The following NKAIN3 variants were observed in gnomAD, a reference collection of about 807,000 sequenced individuals.
NKAIN3 encodes sodium/potassium-transporting ATPase subunit beta-1-interacting protein 3.
In NKAIN3, 25 loss-of-function variants were observed where a neutral mutation model predicts 30.2. The ratio of observed to expected loss-of-function variants is 0.83; its 90% confidence interval spans 0.60 to 1.16. NKAIN3 has a LOEUF of 1.16. Ranked by LOEUF, NKAIN3 falls within the 50% of genes most tolerant of loss-of-function variation. The pLI, the probability that NKAIN3 is intolerant of heterozygous loss-of-function variation, is 0.00. For synonymous variants in NKAIN3, 91 were observed against 89.6 expected, an observed-to-expected ratio of 1.02 and a Z score of -0.09; for missense variants, 225 against 254.1, an observed-to-expected ratio of 0.89 and a Z score of 0.78.
intron 4 of NKAIN3, among the ~76,000 whole-genome samples, chr8:62,751,814 C>CTGTGTGTGTGTGTGTGTGTGTGTG (rs3032932): frequency 2.0e-4 from 30 of 146,684 alleles, no homozygotes; most frequent in African/African-American, 6.5e-4. Context: ...TACTAAAAAA[C>CTGTGTGTGTGTGTGTGTGTGTGTG]TGTGTGTGTG....
chr8:62,366,078 C>T (rs940328256), intron 1 of NKAIN3, among the ~76,000 whole-genome samples: 5 of 152,164 alleles, frequency 3.3e-5, no homozygotes, highest in Non-Finnish European at 7.3e-5. Context: ...AATCTCCTTA[C>T]TCACTATTGG....
chr8:62,382,179 A>G (rs1409081086), intron 1 of NKAIN3, among the ~76,000 whole-genome samples: 1 of 152,208 alleles, frequency 6.6e-6, no homozygotes, highest in African/African-American at 2.4e-5. Flanking sequence ...TCAATTAACA[A>G]ATTTACATGT....
chr8:62,283,555 A>G (rs1813272780), intron 1 of NKAIN3, among the ~76,000 whole-genome samples: 1 of 152,142 alleles, frequency 6.6e-6, no homozygotes, highest in Non-Finnish European at 1.5e-5. Context: ...ATATGTCATT[A>G]TATTTTCTAA....
At chr8:62,923,084 C>T (rs1477869981) in intron 5 of NKAIN3, among the ~76,000 whole-genome samples, 2 of 152,094 alleles carry the variant, frequency 1.3e-5, no homozygotes, top group Non-Finnish European at 2.9e-5. Context: ...ATCACTTGAG[C>T]TCAGCAATTC....
intron 4 of NKAIN3, among the ~76,000 whole-genome samples, chr8:62,874,152 C>T (rs2130805289): frequency 6.6e-6 from 1 of 152,100 alleles, no homozygotes; most frequent in East Asian, 1.9e-4. Flanking sequence ...AAAGAGATTT[C>T]ACCACTGACC....
chr8:62,552,701 G>T (rs1809253739), intron 1 of NKAIN3, among the ~76,000 whole-genome samples: 1 of 152,134 alleles, frequency 6.6e-6, no homozygotes, highest in African/African-American at 2.4e-5. Context: ...TTTCACAAAA[G>T]AACTGCTGGA....
Position 62,318,807 on chromosome 8 carries a change from G to A in NKAIN3, c.54+69680G>A, listed in dbSNP as rs564243817. On this transcript the variant is annotated intron_variant, in intron 1 of 6. Transcript: ENST00000623646. ...GTCTAAAATTCTCTTTTTTTGTTGT[G>A]TCTCTGCCAGGCTTTGGTATCAGGA... 2.1e-4 allele frequency among the ~76,000 whole-genome samples: 32 copies of A among 152,158 alleles called. 1 individual carries two copies. Among genetic ancestry groups the A allele is most frequent in the African/African-American group, 7.5e-4 (31 of 41,512 alleles).
chr8:62,583,788 T>C (rs1220026547), intron 2 of NKAIN3, among the ~76,000 whole-genome samples: 1 of 152,182 alleles, frequency 6.6e-6, no homozygotes, highest in Non-Finnish European at 1.5e-5. Context: ...AGTCAGATAT[T>C]GTTACCTTTA....
At chr8:62,738,570 C>T (rs1420037711) in intron 3 of NKAIN3, among the ~76,000 whole-genome samples, 1 of 147,850 alleles carries the variant, frequency 6.8e-6, no homozygotes, top group Non-Finnish European at 1.5e-5. Flanking sequence ...CTGCACTCCA[C>T]CCTGGGTGAC....
chr8:62,462,477 CT>C (rs1563409655), intron 1 of NKAIN3, among the ~76,000 whole-genome samples: 1 of 152,120 alleles, frequency 6.6e-6, no homozygotes, highest in African/African-American at 2.4e-5. Context: ...AATTTAAATG[CT>C]TAAATCTTAA....
chr8:62,532,303 A>G (rs542946938), intron 1 of NKAIN3, among the ~76,000 whole-genome samples: 2 of 152,234 alleles, frequency 1.3e-5, no homozygotes, highest in Non-Finnish European at 2.9e-5. Context: ...AAAGCCACTC[A>G]TCTATGCCAG....
chr8:62,767,136 G>T (rs545232918), intron 4 of NKAIN3, among the ~76,000 whole-genome samples: 2 of 151,974 alleles, frequency 1.3e-5, no homozygotes, highest in South Asian at 2.1e-4. Flanking sequence ...CTTTCCCTCC[G>T]CATGGTGAAG....
chr8:62,302,045 A>G (rs577786385), intron 1 of NKAIN3, among the ~76,000 whole-genome samples: 1 of 152,170 alleles, frequency 6.6e-6, no homozygotes, highest in Admixed American at 6.6e-5. Context: ...GAGTGTTCTC[A>G]CTTCCCTAAT....
intron 3 of NKAIN3, among the ~76,000 whole-genome samples, chr8:62,720,701 G>T (rs1815061998): frequency 6.6e-6 from 1 of 152,176 alleles, no homozygotes; most frequent in Non-Finnish European, 1.5e-5. Flanking sequence ...AAGCCATCAA[G>T]TTATATGGCC....
chr8:62,615,205 G>C (rs1480762615), intron 3 of NKAIN3, among the ~76,000 whole-genome samples: 1 of 152,094 alleles, frequency 6.6e-6, no homozygotes, highest in Non-Finnish European at 1.5e-5. Context: ...CAGCTCTTCA[G>C]TTAGCAGGTG....
intron 3 of NKAIN3, among the ~76,000 whole-genome samples, chr8:62,651,821 GTC>G (rs2130332369): frequency 6.6e-6 from 1 of 152,152 alleles, no homozygotes; most frequent in South Asian, 2.1e-4. Context: ...GGTTGTTAAA[GTC>G]TAGGACCTCC....
rs114097789 is a variant in NKAIN3, at chr8:62,308,673, C to A, written c.54+59546C>A. Among the ~76,000 whole-genome samples the A allele has an allele frequency of 9.8e-3, 1,475 of 150,470 alleles. 150 individuals carry two copies. Among genetic ancestry groups the A allele is most frequent in the African/African-American group, 0.035 (1,388 of 39,900 alleles). ...TTAACAGAAGTTGGTAATGAATTAA[C>A]TGTGGGCAACAATGGGATGCAAGAG... is the stretch of plus-strand genomic sequence containing the variant. On this transcript the variant is annotated intron_variant, in intron 1 of 6. Coordinates refer to ENST00000623646, the MANE Select transcript of NKAIN3 (RefSeq NM_001304533.3).
chr8:62,794,772 C>T (rs918530042), intron 4 of NKAIN3, among the ~76,000 whole-genome samples: 2 of 152,140 alleles, frequency 1.3e-5, no homozygotes, highest in Non-Finnish European at 2.9e-5. Flanking sequence ...AAGTGTCTAA[C>T]GTGGTAGAAA....
intron 1 of NKAIN3, among the ~76,000 whole-genome samples, chr8:62,570,599 C>T (rs1000995575): frequency 1.8e-4 from 27 of 152,160 alleles, no homozygotes; most frequent in African/African-American, 4.3e-4. Context: ...TTCACTATTA[C>T]GAGAACAGCA....
Sources: gnomAD v4.1 joint callset for allele counts (sites outside exome capture counted in the v4.1 genomes callset) on GRCh38, gnomAD v4.1.1 for gene constraint, MANE v1.5 for transcripts, NCBI Gene and HGNC (gene_info 2026-07-23, HGNC 2026-07-21) for gene names.